ACYP2: variants seen among roughly 807,000 people sequenced by gnomAD.
ACYP2 encodes acylphosphatase 2.
A neutral mutation model predicts 11.2 loss-of-function variants in ACYP2; 12 were observed. The ratio of observed to expected loss-of-function variants is 1.08; its 90% CI spans 0.69 to 1.74. ACYP2 has a LOEUF of 1.74. ACYP2 is among the 40% of genes most tolerant of loss of function. The pLI, the probability that ACYP2 is intolerant of heterozygous loss-of-function variation, is 0.00. For missense variants in ACYP2, 134 were observed against 101.9 expected, an observed-to-expected ratio of 1.31 and a Z score of -1.35; for synonymous variants, 43 against 32.2, an observed-to-expected ratio of 1.33 and a Z score of -1.13.
Position 54,039,539 on chromosome 2 carries a change from A to C in ACYP2, c.63-11419A>C, listed in dbSNP as rs930658747. Reference sequence around the variant, plus strand: ...ACTCCTGAGCTCAAGCAATCCACTCACCTTGGCCTCCCTAGTAGCTGGGAC... The same window carrying C: ...ACTCCTGAGCTCAAGCAATCCACTCCCCTTGGCCTCCCTAGTAGCTGGGAC... On this transcript the variant is annotated intron_variant, in intron 2 of 6. Transcript: ENST00000607452. 4.8e-5 allele frequency among the ~76,000 whole-genome samples: 7 copies of C among 146,942 alleles called. No individual in the cohort carries two copies. In the South Asian group the frequency reaches 6.6e-4, roughly 14 times the overall value.
At chr2:54,121,230 G>A (rs1309393415) in intron 4 of ACYP2, among the ~76,000 whole-genome samples, 1 of 152,122 alleles carries the variant, frequency 6.6e-6, no homozygotes, top group African/African-American at 2.4e-5. Context: ...TGTGAGAGGG[G>A]GCCTGAAAGT....
intron 2 of ACYP2, among the ~76,000 whole-genome samples, chr2:54,030,954 G>A (rs1389838228): frequency 6.6e-6 from 1 of 152,016 alleles, no homozygotes; most frequent in African/African-American, 2.4e-5. Flanking sequence ...CATTGTGTGT[G>A]TGACAGTGAC....
intron 6 of ACYP2, among the ~76,000 whole-genome samples, chr2:54,285,003 G>T (rs1429583608): frequency 6.6e-6 from 1 of 152,146 alleles, no homozygotes; most frequent in Non-Finnish European, 1.5e-5. Context: ...TAAATTTACT[G>T]CTCACAGGTC....
Position 53,984,687 on chromosome 2 carries a change from C to G in ACYP2, c.62+10877C>G, listed in dbSNP as rs1008859380. Among the ~76,000 whole-genome samples, 8 of 150,934 alleles carry G rather than the reference C, an allele frequency of 5.3e-5. No homozygotes were observed. In the South Asian group the frequency reaches 1.7e-3, roughly 32 times the overall value. On this transcript the variant is annotated intron_variant, in intron 2 of 6. Coordinates refer to ENST00000607452, the MANE Select transcript of ACYP2 (RefSeq NM_001320586.2). ...GTATGTATATAAAATACATTGGGACCAAGCAAGGTTTATTGCAGGTACACA... is the reference window on the plus strand; with the variant it reads ...GTATGTATATAAAATACATTGGGACGAAGCAAGGTTTATTGCAGGTACACA...
Position 54,052,046 on chromosome 2 carries a change from C to CAATAAATAAATAAATAAATAAATA in ACYP2, c.155+1009_155+1032dup, listed in dbSNP as rs58161337. 4.3e-5 allele frequency among the ~76,000 whole-genome samples: 6 copies of CAATAAATAAATAAATAAATAAATA among 141,158 alleles called. 1 individual carries two copies. The highest frequency in any genetic ancestry group is 2.1e-4 in the East Asian group (1 of 4,704). The allele number at this position is 141,158 out of a possible 152,430, so 92.6% of individuals were successfully genotyped here. A position where few individuals can be genotyped will look rare whatever the true frequency, so the allele number is the denominator to read the frequency against. On this transcript the variant is annotated intron_variant, in intron 3 of 6. Transcript: ENST00000607452. ...TGGGCGACAGAGCAAGACTCTGTCT[C>CAATAAATAAATAAATAAATAAATA]AATAAATAAATAAATAAATAAATAA...
chr2:54,186,287 G>GAGTA, intron 6 of ACYP2, among the ~76,000 whole-genome samples: 1 of 152,078 alleles, frequency 6.6e-6, no homozygotes, highest in East Asian at 1.9e-4. Context: ...GAATATAATG[G>GAGTA]AGTAGCCAGA....
At chr2:54,071,306 G>C (rs1413571759) in intron 4 of ACYP2, among the ~76,000 whole-genome samples, 1 of 152,104 alleles carries the variant, frequency 6.6e-6, no homozygotes. Flanking sequence ...GTAAGAAAAA[G>C]AAATGAAACA....
intron 2 of ACYP2, among the ~76,000 whole-genome samples, chr2:53,982,102 A>G (rs994273242): frequency 6.6e-6 from 1 of 151,814 alleles, no homozygotes; most frequent in African/African-American, 2.4e-5. Flanking sequence ...GTCAGTGAAG[A>G]GATAATAACT....
At chr2:54,182,374 C>A (rs1683780754) in intron 6 of ACYP2, among the ~76,000 whole-genome samples, 1 of 152,050 alleles carries the variant, frequency 6.6e-6, no homozygotes, top group African/African-American at 2.4e-5. Context: ...CAGAGTCTCA[C>A]TCTGTTGCCC....
intron 2 of ACYP2, among the ~76,000 whole-genome samples, chr2:54,034,828 G>C (rs1190033119): frequency 6.6e-6 from 1 of 151,900 alleles, no homozygotes; most frequent in Non-Finnish European, 1.5e-5. Flanking sequence ...GGCCAACATA[G>C]TAAAACCCCG....
At chr2:53,990,584 G>C (rs1365705599) in intron 2 of ACYP2, among the ~76,000 whole-genome samples, 1 of 146,634 alleles carries the variant, frequency 6.8e-6, no homozygotes, top group Non-Finnish European at 1.5e-5. Flanking sequence ...GGGAGGTGCA[G>C]TTTGCAGCGA....
intron 6 of ACYP2, among the ~76,000 whole-genome samples, chr2:54,180,748 AT>A (rs1683671280): frequency 6.6e-6 from 1 of 151,826 alleles, no homozygotes; most frequent in Non-Finnish European, 1.5e-5. Context: ...TAGAGATGGG[AT>A]TTTGCCATGT....
intron 2 of ACYP2, among the ~76,000 whole-genome samples, chr2:53,986,629 C>A (rs985674147): frequency 2.2e-5 from 3 of 136,462 alleles, no homozygotes; most frequent in Admixed American, 7.6e-5. Flanking sequence ...CAAACCCGGC[C>A]TTTTTTTTTT....
intron 4 of ACYP2, among the ~76,000 whole-genome samples, chr2:54,071,045 C>G (rs1409455464): frequency 6.6e-6 from 1 of 152,108 alleles, no homozygotes; most frequent in Non-Finnish European, 1.5e-5. Flanking sequence ...AGACACTGCA[C>G]CCGGCCTCAA....
At chr2:54,255,479 G>A in intron 6 of ACYP2, 1 of 1,614,008 alleles carries the variant, frequency 6.2e-7, no homozygotes. Flanking sequence ...CGCTCCACCT[G>A]CAGGAGCGCC....
At chr2:54,263,570 G>C (rs1335448623) in intron 6 of ACYP2, among the ~76,000 whole-genome samples, 1 of 152,146 alleles carries the variant, frequency 6.6e-6, no homozygotes, top group Non-Finnish European at 1.5e-5. Flanking sequence ...CTTCCAGTGA[G>C]TTATGATTGC....
intron 4 of ACYP2, among the ~76,000 whole-genome samples, chr2:54,128,204 C>T (rs1446295785): frequency 6.6e-6 from 1 of 152,168 alleles, no homozygotes; most frequent in Non-Finnish European, 1.5e-5. Context: ...GAAGCATGCA[C>T]TGGTTTTTCT....
chr2:54,248,506 G>C (rs375320594), intron 6 of ACYP2, among the ~76,000 whole-genome samples: 1 of 152,090 alleles, frequency 6.6e-6, no homozygotes, highest in South Asian at 2.1e-4. Context: ...TTATGGTCTA[G>C]TATGGTGTCT....
chr2:54,200,654 A>G (rs979743026), intron 6 of ACYP2, among the ~76,000 whole-genome samples: 2 of 152,218 alleles, frequency 1.3e-5, no homozygotes, highest in Non-Finnish European at 2.9e-5. Flanking sequence ...TCCATTCATC[A>G]GTTGATGGAT....
Sources: allele counts gnomAD v4.1 joint callset (sites outside exome capture counted in the v4.1 genomes callset), GRCh38; gene constraint gnomAD v4.1.1; transcripts MANE v1.5; gene names NCBI Gene and HGNC (gene_info 2026-07-23, HGNC 2026-07-21).